The following GSTCD variants were observed in gnomAD, a reference collection of about 807,000 sequenced individuals.
GSTCD encodes the protein glutathione S-transferase C-terminal domain-containing protein.
A neutral mutation model predicts 68.3 loss-of-function variants in GSTCD; 44 were observed. That is an observed-to-expected ratio of 0.64 (90% CI 0.51 to 0.83). The LOEUF is 0.83. Among genes scored for constraint, GSTCD ranks in the 40% least tolerant of loss-of-function variants. The probability of loss-of-function intolerance (pLI) is 0.00; values close to 1 mark genes in which losing one functional copy is unlikely to be tolerated. For missense variants in GSTCD, 739 were observed against 735.9 expected (o/e 1.00, Z -0.05); for synonymous variants, 273 against 255.2 (o/e 1.07, Z -0.67).
chr4:105,732,910 C>T (rs1320984739), intron 5 of GSTCD, among the ~76,000 whole-genome samples: 1 of 152,186 alleles, frequency 6.6e-6, no homozygotes, highest in Non-Finnish European at 1.5e-5. Flanking sequence ...TTATTGGTTT[C>T]AAAGAACATC....
chr4:105,713,950 T>C (rs1732611032), intron 1 of GSTCD, among the ~76,000 whole-genome samples: 1 of 152,016 alleles, frequency 6.6e-6, no homozygotes, highest in Non-Finnish European at 1.5e-5. Flanking sequence ...TATGCTTGTT[T>C]TTAATATGTT....
intron 5 of GSTCD, among the ~76,000 whole-genome samples, chr4:105,802,404 C>T: frequency 6.6e-6 from 1 of 152,056 alleles, no homozygotes; most frequent in East Asian, 1.9e-4. Context: ...TTAAAGTGTT[C>T]TGTCTGATCA....
chr4:105,734,038 A>G (rs1203250731), intron 5 of GSTCD, among the ~76,000 whole-genome samples: 1 of 152,126 alleles, frequency 6.6e-6, no homozygotes, highest in East Asian at 1.9e-4. Context: ...GGCTTGTAGG[A>G]TTTCTGCTGA....
intron 5 of GSTCD, among the ~76,000 whole-genome samples, chr4:105,813,797 C>A (rs1722853761): frequency 6.6e-6 from 1 of 152,078 alleles, no homozygotes; most frequent in Non-Finnish European, 1.5e-5. Context: ...AATTCAGTTA[C>A]CTGCTCAATG....
chr4:105,798,170 C>A (rs1170850496), intron 5 of GSTCD, among the ~76,000 whole-genome samples: 1 of 152,150 alleles, frequency 6.6e-6, no homozygotes, highest in East Asian at 1.9e-4. Context: ...AGCCACTCCT[C>A]ATCTGTACAG....
chr4:105,839,362 G>A (rs757447252), intron 10 of GSTCD, among the ~76,000 whole-genome samples: 2 of 152,210 alleles, frequency 1.3e-5, no homozygotes, highest in African/African-American at 4.8e-5. Context: ...CAGCCCAGGT[G>A]CAGTGGCTCA....
chr4:105,814,183 G>T (rs1175072287), intron 5 of GSTCD, among the ~76,000 whole-genome samples: 3 of 152,132 alleles, frequency 2.0e-5, no homozygotes, highest in Non-Finnish European at 4.4e-5. Flanking sequence ...GTATAGTCTT[G>T]CTATTTTAGA....
At chr4:105,799,220 G>A (rs1578485229) in intron 5 of GSTCD, among the ~76,000 whole-genome samples, 1 of 152,202 alleles carries the variant, frequency 6.6e-6, no homozygotes, top group Non-Finnish European at 1.5e-5. Flanking sequence ...GGAATGTTTT[G>A]TCTGGTTTGA....
intron 3 of GSTCD, among the ~76,000 whole-genome samples, chr4:105,721,290 A>G (rs892358824): frequency 6.6e-6 from 1 of 152,160 alleles, no homozygotes; most frequent in Non-Finnish European, 1.5e-5. Context: ...TCTTTAAATC[A>G]TCTTGGGTAA....
intron 1 of GSTCD, among the ~76,000 whole-genome samples, chr4:105,709,591 A>G (rs1370040961): frequency 6.6e-6 from 1 of 152,138 alleles, no homozygotes; most frequent in Non-Finnish European, 1.5e-5. Flanking sequence ...CTTTGGTTTC[A>G]AAAACGTTTG....
intron 3 of GSTCD, among the ~76,000 whole-genome samples, chr4:105,726,237 A>G (rs984096414): frequency 3.9e-5 from 6 of 152,190 alleles, no homozygotes; most frequent in Non-Finnish European, 7.3e-5. Flanking sequence ...ATATGGATTA[A>G]CTTCAAAAGC....
chr4:105,747,996 T>C (rs1733864502), intron 5 of GSTCD, among the ~76,000 whole-genome samples: 1 of 152,182 alleles, frequency 6.6e-6, no homozygotes, highest in Admixed American at 6.6e-5. Flanking sequence ...GGCTCACTCA[T>C]GTAATCCCAG....
In GSTCD at chr4:105,845,450, G is replaced by T. The variant is rs752541394; in HGVS notation, c.1775G>T (p.Cys592Phe). ...TTTGACTGTGTTTCAGGAAAACAGT[G>T]CATGTGCTTGGTGGATCTGGATCGA... ...PPQRRLIGKQCMCLVDLDRAR... is the reference protein window; with the variant it reads ...PPQRRLIGKQFMCLVDLDRAR... Residue 592 changes from cysteine (C) to phenylalanine (F), a missense_variant, in exon 12 of 12, where the codon TGC becomes TTC. Transcript: ENST00000515279. 6.2e-7 allele frequency: 1 copy of T among 1,614,134 alleles called. No homozygotes were observed. The highest frequency in any genetic ancestry group is 1.1e-5 in the South Asian group (1 of 91,076).
At chr4:105,723,550 G>A (rs180760407) in intron 3 of GSTCD, among the ~76,000 whole-genome samples, 1 of 151,858 alleles carries the variant, frequency 6.6e-6, no homozygotes, top group East Asian at 1.9e-4. Flanking sequence ...TAGGTTATAT[G>A]CAAATACTAT....
chr4:105,767,490 TGGTTTTATTA>T (rs1281202092), intron 5 of GSTCD, among the ~76,000 whole-genome samples: 7 of 20,712 alleles, frequency 3.4e-4, no homozygotes, highest in Admixed American at 1.7e-3. Flanking sequence ...TGGTTTTCAA[TGGTTTTATTA>T]GGTTTTATTA....
chr4:105,825,708 C>T lies in GSTCD; in HGVS notation c.1438C>T (p.Arg480Cys), dbSNP rs754237074. The T allele has an allele frequency of 1.2e-5, 18 of 1,514,672 alleles. No homozygotes were observed. The highest frequency in any genetic ancestry group is 4.6e-5 in the South Asian group (4 of 87,486). The allele number at this position is 1,514,672 out of a possible 1,614,324, so 93.8% of individuals were successfully genotyped here. Residue 480 changes from arginine (R) to cysteine (C), a missense_variant, in exon 8 of 12, where the codon CGT becomes TGT. Arg to Cys is a radical substitution (Grantham distance 180, BLOSUM62 -3). Coordinates refer to ENST00000515279, the MANE Select transcript of GSTCD (RefSeq NM_001370181.1). ...LIENKELSLIRAKKRSDELGL... is the reference protein window; with the variant it reads ...LIENKELSLICAKKRSDELGL... ...AGAAAACAAGGAATTATCATTAATT[C>T]GTGCTAAGAAGAGAAGTGATGAACT...
At chr4:105,841,698 A>G (rs111973677) in intron 10 of GSTCD, among the ~76,000 whole-genome samples, 617 of 151,990 alleles carry the variant, frequency 4.1e-3, no homozygotes, top group African/African-American at 0.014. Flanking sequence ...AAAAATACAA[A>G]AAATTAGCCA....
At chr4:105,815,844 G>T (rs1251846838) in intron 5 of GSTCD, among the ~76,000 whole-genome samples, 1 of 152,040 alleles carries the variant, frequency 6.6e-6, no homozygotes, top group Non-Finnish European at 1.5e-5. Context: ...TGGTCTTGTG[G>T]GCAACTTAGA....
intron 9 of GSTCD, 105 bp from the exon 10 acceptor site, chr4:105,837,754 A>G (rs1274640254): frequency 3.7e-6 from 2 of 538,894 alleles, no homozygotes; most frequent in African/African-American, 2.0e-5. Flanking sequence ...ATAGCATTTT[A>G]TGCTTTCTAC....
Sources: allele counts gnomAD v4.1 joint callset (sites outside exome capture counted in the v4.1 genomes callset), GRCh38; gene constraint gnomAD v4.1.1; transcripts MANE v1.5; gene names NCBI Gene and HGNC (gene_info 2026-07-23, HGNC 2026-07-21).